CTTNBP2NL: variants seen among roughly 807,000 people sequenced by gnomAD.
CTTNBP2NL encodes the protein CTTNBP2 N-terminal like.
Under a neutral mutation model 32.5 loss-of-function variants are expected in CTTNBP2NL, and 16 were observed. That is an observed-to-expected ratio of 0.49 (90% CI 0.33 to 0.75). The LOEUF (loss-of-function observed/expected upper bound fraction) is 0.75. CTTNBP2NL is among the 30% of genes least tolerant of loss of function. The pLI, the probability that CTTNBP2NL is intolerant of heterozygous loss-of-function variation, is 0.02. For synonymous variants in CTTNBP2NL, 298 were observed against 289.4 expected (o/e 1.03, Z -0.30); for missense variants, 645 against 756.0 (o/e 0.85, Z 1.72).
At chr1:112,403,393 A>G (rs1442240317) in intron 1 of CTTNBP2NL, among the ~76,000 whole-genome samples, 2 of 119,330 alleles carry the variant, frequency 1.7e-5, no homozygotes, top group Admixed American at 7.9e-5. Context: ...TCCAACCAGC[A>G]TTTTTTCAGT....
chr1:112,394,593 C>T (rs1038664847), upstream of CTTNBP2NL, among the ~76,000 whole-genome samples: 1 of 152,218 alleles, frequency 6.6e-6, no homozygotes, highest in Non-Finnish European at 1.5e-5. Flanking sequence ...TCCAGATTCA[C>T]TTACACTGCT....
intron 3 of CTTNBP2NL, among the ~76,000 whole-genome samples, chr1:112,420,360 G>A (rs1427638194): frequency 2.0e-5 from 3 of 151,918 alleles, no homozygotes; most frequent in Non-Finnish European, 4.4e-5. Context: ...TGGCCAGGCT[G>A]GTCTTGAACT....
At chr1:112,447,466 T>C (rs1650085325) in intron 3 of CTTNBP2NL, among the ~76,000 whole-genome samples, 1 of 152,066 alleles carries the variant, frequency 6.6e-6, no homozygotes, top group South Asian at 2.1e-4. Flanking sequence ...TCCAGTAATG[T>C]CATAAAGTAA....
rs1650411743 is a variant in CTTNBP2NL, at chr1:112,457,642, C to G, written c.*230C>G. 1 of 470,276 alleles carries G rather than the reference C, an allele frequency of 2.1e-6. No individual in the cohort carries two copies. The allele number at this position is 470,276 out of a possible 1,614,324, so 29.1% of individuals were successfully genotyped here. On this transcript the variant is annotated 3_prime_UTR_variant, in exon 6 of 6. Transcript: ENST00000271277. ...CCAGAAAGGCACCTCAAAGATGTCT[C>G]AAGCTCAGCAGTCACCGTCATGTTG...
upstream of CTTNBP2NL, among the ~76,000 whole-genome samples, chr1:112,395,332 T>C (rs567825722): frequency 2.6e-5 from 4 of 152,318 alleles, no homozygotes; most frequent in Admixed American, 2.6e-4. Flanking sequence ...TAGGTAGGGA[T>C]ACAACTAGTT....
intron 5 of CTTNBP2NL, among the ~76,000 whole-genome samples, chr1:112,454,893 C>T (rs1337095721): frequency 6.6e-6 from 1 of 152,154 alleles, no homozygotes; most frequent in African/African-American, 2.4e-5. Context: ...GCGCTTGTAG[C>T]TCTCAAACTT....
intron 3 of CTTNBP2NL, among the ~76,000 whole-genome samples, chr1:112,446,930 G>T (rs1650060287): frequency 6.6e-6 from 1 of 152,110 alleles, no homozygotes; most frequent in Admixed American, 6.6e-5. Context: ...ATGGACTGGA[G>T]GTTATTTTGA....
rs555328955 is a variant in CTTNBP2NL at position 112,437,483 on chromosome 1, G to T, written c.100-11459G>T. ...GCCCACTTTTTAATAGAATTGCTTGGTTTTTTTTCTTGTAAAGTTGTTTGA... is the reference window on the plus strand; with the variant it reads ...GCCCACTTTTTAATAGAATTGCTTGTTTTTTTTTCTTGTAAAGTTGTTTGA... On this transcript the variant is annotated intron_variant, in intron 3 of 5. Transcript: ENST00000271277. Among the ~76,000 whole-genome samples the T allele has an allele frequency of 1.8e-4, 27 of 151,746 alleles. 1 individual carries two copies. In the East Asian group the frequency reaches 2.5e-3, roughly 14 times the overall value.
intron 3 of CTTNBP2NL, among the ~76,000 whole-genome samples, chr1:112,428,306 T>G (rs776910010): frequency 6.6e-6 from 1 of 152,214 alleles, no homozygotes; most frequent in Non-Finnish European, 1.5e-5. Context: ...CACATTTTTT[T>G]CTCAACTCTC....
At chr1:112,454,585 C>T (rs1288437770) in intron 5 of CTTNBP2NL, 29 bp downstream of exon 5, 1 of 1,456,244 alleles carries the variant, frequency 6.9e-7, no homozygotes, top group Non-Finnish European at 9.6e-7. Context: ...TTCACAGTAG[C>T]ATTTGCCTGG....
intron 3 of CTTNBP2NL, among the ~76,000 whole-genome samples, chr1:112,423,503 A>C (rs1439379033): frequency 1.3e-5 from 2 of 152,120 alleles, no homozygotes; most frequent in Non-Finnish European, 2.9e-5. Flanking sequence ...CAGTTAAAAA[A>C]TAAATTTTAA....
At chr1:112,416,926 C>T (rs1649084793) in intron 3 of CTTNBP2NL, among the ~76,000 whole-genome samples, 1 of 152,094 alleles carries the variant, frequency 6.6e-6, no homozygotes, top group African/African-American at 2.4e-5. Flanking sequence ...TCTGGGAGAT[C>T]AAGGATCCCA....
At chr1:112,414,311 C>G (rs1648991857) in intron 2 of CTTNBP2NL, among the ~76,000 whole-genome samples, 1 of 152,028 alleles carries the variant, frequency 6.6e-6, no homozygotes, top group South Asian at 2.1e-4. Flanking sequence ...TTGCAGTGAG[C>G]CGAAATCACC....
At chr1:112,433,490 G>A (rs1274416636) in intron 3 of CTTNBP2NL, among the ~76,000 whole-genome samples, 2 of 152,162 alleles carry the variant, frequency 1.3e-5, no homozygotes, top group African/African-American at 4.8e-5. Flanking sequence ...TACTCAGGAG[G>A]CTGAGGCAGG....
chr1:112,455,828 A>C (rs1004154086), intron 5 of CTTNBP2NL, 103 bp from the exon 6 acceptor site: 28 of 766,934 alleles, frequency 3.7e-5, no homozygotes, highest in Non-Finnish European at 5.4e-5. Flanking sequence ...TGATCTAAGC[A>C]CTGTGATGTG....
chr1:112,400,431 C>T (rs1648464539), intron 1 of CTTNBP2NL, among the ~76,000 whole-genome samples: 2 of 152,158 alleles, frequency 1.3e-5, no homozygotes, highest in South Asian at 2.1e-4. Context: ...GAGGCCGAAG[C>T]GGGTGGATCG....
intron 3 of CTTNBP2NL, among the ~76,000 whole-genome samples, chr1:112,421,107 A>C (rs1445647234): frequency 1.3e-5 from 2 of 152,064 alleles, no homozygotes; most frequent in African/African-American, 4.8e-5. Context: ...AAGTCCATCC[A>C]TCCATTTAGG....
rs1354664263 is a variant in CTTNBP2NL at position 112,459,964 on chromosome 1, C to T, written c.*2552C>T. 6.6e-6 allele frequency: 1 copy of T among 152,146 alleles called. No homozygotes were observed. The highest frequency in any genetic ancestry group is 2.4e-5 in the African/African-American group (1 of 41,418). The allele number at this position is 152,146 out of a possible 1,614,324, so 9.4% of individuals were successfully genotyped here. On this transcript the variant is annotated 3_prime_UTR_variant, in exon 6 of 6. Transcript: ENST00000271277. ...ACCTTCTGAGATAAATAAGCACAAT[C>T]TTGCAATGGATCCAATAACCCAGTT...
At chr1:112,432,219 G>A (rs954047582) in intron 3 of CTTNBP2NL, among the ~76,000 whole-genome samples, 150 of 151,514 alleles carry the variant, frequency 9.9e-4, no homozygotes, top group African/African-American at 3.0e-3. Flanking sequence ...GACTACAGGC[G>A]CCCGCCACCA....
Sources: allele counts gnomAD v4.1 joint callset (sites outside exome capture counted in the v4.1 genomes callset), GRCh38; gene constraint gnomAD v4.1.1; transcripts MANE v1.5; gene names NCBI Gene and HGNC (gene_info 2026-07-23, HGNC 2026-07-21).